The following PPP6R1 variants were observed in gnomAD, a reference collection of about 807,000 sequenced individuals.
The protein encoded by PPP6R1 is protein phosphatase 6 regulatory subunit 1, also known as serine/threonine-protein phosphatase 6 regulatory subunit 1.
In PPP6R1, 39 loss-of-function variants were observed where a neutral mutation model predicts 104.6. The ratio of observed to expected loss-of-function variants is 0.37; its 90% CI spans 0.29 to 0.49. PPP6R1 has a LOEUF of 0.49. Among genes scored for constraint, PPP6R1 ranks in the 20% least tolerant of loss-of-function variants. The pLI is 0.98. For missense variants in PPP6R1, 1,181 were observed against 1,155.8 expected, an observed-to-expected ratio of 1.02 and a Z score of -0.32; for synonymous variants, 549 against 479.0, an observed-to-expected ratio of 1.15 and a Z score of -1.91.
intron 5 of PPP6R1, among the ~76,000 whole-genome samples, chr19:55,243,997 C>A (rs1181967289): frequency 6.6e-6 from 1 of 152,158 alleles, no homozygotes; most frequent in Non-Finnish European, 1.5e-5. Flanking sequence ...GCTTTGAATA[C>A]CCTAAAAGCG....
chr19:55,238,606 T>G (rs1264912445), intron 15 of PPP6R1: 1 of 152,374 alleles, frequency 6.6e-6, no homozygotes, highest in Non-Finnish European at 1.5e-5. Flanking sequence ...GCGATTGTCC[T>G]AACTCAGCCT....
chr19:55,242,558 C>A (rs1479040170), intron 5 of PPP6R1, 70 bp from the exon 6 acceptor site: 11 of 1,331,708 alleles, frequency 8.3e-6, no homozygotes, highest in Middle Eastern at 1.8e-4. Context: ...GTGCTGGGAG[C>A]CCCTCCCATG....
intron 17 of PPP6R1, 194 bp from the exon 18 acceptor site, chr19:55,232,405 A>G (rs1396262200): frequency 4.2e-5 from 32 of 757,818 alleles, no homozygotes; most frequent in Non-Finnish European, 6.0e-5. Context: ...AACGGCAAGA[A>G]CACAGGCGGG....
intron 1 of PPP6R1, 113 bp from the exon 2 acceptor site, chr19:55,247,222 TC>T: frequency 1.8e-6 from 2 of 1,105,148 alleles, no homozygotes; most frequent in Non-Finnish European, 2.7e-6. Context: ...TCTCCCCAAG[TC>T]CCAGCCCTCT....
intron 2 of PPP6R1, 102 bp downstream of exon 2, chr19:55,246,775 G>C: frequency 1.7e-6 from 2 of 1,148,862 alleles, no homozygotes; most frequent in South Asian, 1.6e-5. Context: ...CCAAACTGGA[G>C]TTTACTGACA....
intron 1 of PPP6R1, among the ~76,000 whole-genome samples, chr19:55,249,363 T>A (rs970585122): frequency 6.6e-6 from 1 of 152,062 alleles, no homozygotes; most frequent in African/African-American, 2.4e-5. Flanking sequence ...CGCCTCAACC[T>A]CCCTAGTAGC....
chr19:55,242,029 G>A (rs1373447103), intron 7 of PPP6R1, 137 bp downstream of exon 7: 8 of 796,714 alleles, frequency 1.0e-5, no homozygotes, highest in East Asian at 2.5e-5. Flanking sequence ...TGTCCACTGT[G>A]CAGGGAGCAC....
rs111560071 is a variant in PPP6R1 at position 55,231,918 on chromosome 19, G to T, written c.2190C>A (p.Ser730=). Residue 730 remains serine, a synonymous_variant, in exon 19 of 24, where the codon TCC becomes TCA. Coordinates refer to ENST00000412770, the MANE Select transcript of PPP6R1 (RefSeq NM_014931.4). Reference sequence around the variant, plus strand: ...GCCCAGTGTGCAGCTCTTCCTCCCCGGAGACTCGGGGGCTGGTCGGGGCAT... The same window carrying T: ...GCCCAGTGTGCAGCTCTTCCTCCCCTGAGACTCGGGGGCTGGTCGGGGCAT... ...PTDAPTSPRV[S]GEEELHTGPP... is the part of the protein sequence containing the mutation. 1 of 1,551,510 alleles carries T rather than the reference G, an allele frequency of 6.4e-7. No homozygotes were observed. The highest frequency in any genetic ancestry group is 2.3e-5 in the East Asian group (1 of 43,834).
intron 1 of PPP6R1, among the ~76,000 whole-genome samples, chr19:55,251,821 G>C (rs1294485225): frequency 6.6e-6 from 1 of 152,186 alleles, no homozygotes; most frequent in East Asian, 1.9e-4. Flanking sequence ...TGGATTTCCT[G>C]ATCTGGGTGT....
chr19:55,254,378 C>T (rs1265139573), intron 1 of PPP6R1, among the ~76,000 whole-genome samples: 4 of 152,220 alleles, frequency 2.6e-5, no homozygotes, highest in African/African-American at 7.2e-5. Context: ...GCACTATTGC[C>T]TCTGGTTTCT....
intron 1 of PPP6R1, among the ~76,000 whole-genome samples, chr19:55,248,123 G>A (rs201783706): frequency 2.0e-5 from 3 of 152,318 alleles, no homozygotes; most frequent in East Asian, 3.9e-4. Flanking sequence ...TCACTGCTCC[G>A]CAGAGCCCTA....
At position 55,242,378 on chromosome 19, in the gene PPP6R1, C is replaced by T; in HGVS notation, c.729G>A (p.Glu243=). Residue 243 remains glutamate (E), a splice_region_variant and synonymous_variant, in exon 6 of 24, where the codon GAG becomes GAA. Coordinates refer to ENST00000412770, the MANE Select transcript of PPP6R1 (RefSeq NM_014931.4). The part of the protein sequence containing the change: ...PEPDQLLATL[E]KQETIEQLLS... ...CTTAGCCTTGCCCGCACACCCACTTCTCCAGGGTGGCCAGCAGTTGGTCAG... is the reference window on the plus strand; with the variant it reads ...CTTAGCCTTGCCCGCACACCCACTTTTCCAGGGTGGCCAGCAGTTGGTCAG... 6.2e-7 allele frequency: 1 copy of T among 1,613,334 alleles called. No homozygotes were observed. The highest frequency in any genetic ancestry group is 8.5e-7 in the Non-Finnish European group (1 of 1,179,260).
At position 55,258,819 on chromosome 19, in the gene PPP6R1, A is replaced by C. The variant is rs2087616988; in HGVS notation, c.-391T>G. On this transcript the variant is annotated 5_prime_UTR_variant, in exon 1 of 24. Transcript: ENST00000412770. ...GACGGGGGAAGTTGCCCCGGTTTCC[A>C]CAGTCCAACCGAGCGCCCCACGGGA... 1 of 152,026 alleles carries C rather than the reference A, an allele frequency of 6.6e-6. No individual in the cohort carries two copies. The highest frequency in any genetic ancestry group is 2.4e-5 in the African/African-American group (1 of 41,400). 9.4% of individuals were successfully genotyped at this position (152,026 alleles called of 1,614,324 possible).
In PPP6R1 at chr19:55,239,569, C is replaced by T. The variant is rs758851193; in HGVS notation, c.1653+25G>A. ...GACCCCACTCCAGCATAGCCCAGCA[C>T]AGCCCCACATAGCCCCACGCCCACC... On this transcript the variant is annotated intron_variant, in intron 14 of 23. Coordinates refer to ENST00000412770, the MANE Select transcript of PPP6R1 (RefSeq NM_014931.4). 7.5e-6 allele frequency: 12 copies of T among 1,609,900 alleles called. No individual in the cohort carries two copies. In the South Asian group the frequency reaches 1.2e-4, roughly 16 times the overall value.
At position 55,231,086 on chromosome 19, in the gene PPP6R1, G is replaced by A. The variant is rs868349174; in HGVS notation, c.2460-202C>T. 68 of 618,056 alleles carry A rather than the reference G, an allele frequency of 1.1e-4. 1 individual carries two copies. The highest frequency in any genetic ancestry group is 8.9e-4 in the South Asian group (46 of 51,530). The allele number at this position is 618,056 out of a possible 1,614,324, so 38.3% of individuals were successfully genotyped here. ...CAGGAAGACAAGCACCCCTCTTCCC[G>A]CCTCCTGTCCCTGTGGAGGAGGTAC... On this transcript the variant is annotated intron_variant, in intron 21 of 23. Transcript: ENST00000412770.
intron 15 of PPP6R1, among the ~76,000 whole-genome samples, chr19:55,237,992 G>A (rs753452932): frequency 2.0e-5 from 3 of 152,132 alleles, no homozygotes; most frequent in Non-Finnish European, 2.9e-5. Context: ...ATCCCGAAAG[G>A]GGCAGCTGGT....
Position 55,236,732 on chromosome 19 carries a change from C to T in PPP6R1, c.1899G>A (p.Gln633=). The T allele has an allele frequency of 6.2e-7, 1 of 1,613,918 alleles. No homozygotes were observed. Residue 633 remains glutamine, a synonymous_variant, in exon 17 of 24, where the codon CAG becomes CAA. Transcript: ENST00000412770. ...DEEEEDEEEA[Q]GSGESDGEDG... ...CTTCTCCATCAGACTCCCCTGAGCC[C>T]TGGGCCTCTTCCTCGTCCTCCTCTT...
rs1289399172 is a variant in PPP6R1, at chr19:55,241,608, T to A, written c.877A>T (p.Ser293Cys). The change falls in exon 8 of 24, where the codon AGC (serine) becomes TGC (cysteine). Residue 293 changes from serine (S) to cysteine (C), a missense_variant. Transcript: ENST00000412770. The surrounding 1 kb of genome is among the most constrained non-coding windows in gnomAD (Gnocchi z 5.4). ...SESVTVNSFF[S>C]SVDGQLELLA... Reference sequence around the variant, plus strand: ...AGCTCCAGCTGCCCATCCACACTGCTGAAGAAGCTGTTCACGGTCACGGAC... The same window carrying A: ...AGCTCCAGCTGCCCATCCACACTGCAGAAGAAGCTGTTCACGGTCACGGAC... 9 of 1,586,668 alleles carry A rather than the reference T, an allele frequency of 5.7e-6. No homozygotes were observed. The highest frequency in any genetic ancestry group is 7.7e-6 in the Non-Finnish European group (9 of 1,167,670).
chr19:55,239,316 G>T, intron 15 of PPP6R1, 89 bp downstream of exon 15: 1 of 1,305,570 alleles, frequency 7.7e-7, no homozygotes, highest in Non-Finnish European at 1.1e-6. Context: ...CACAGGGCAT[G>T]TAGGTGCGTG....
Sources: gnomAD v4.1 joint callset for allele counts (sites outside exome capture counted in the v4.1 genomes callset) on GRCh38, gnomAD v4.1.1 for gene constraint, Gnocchi (gnomAD v3.1) non-coding constraint, MANE v1.5 for transcripts, NCBI Gene and HGNC (gene_info 2026-07-23, HGNC 2026-07-21) for gene names.